GALNT18: variants seen among roughly 807,000 people sequenced by gnomAD.
GALNT18 encodes polypeptide N-acetylgalactosaminyltransferase 18, also known as GalNAc-transferase 18.
A neutral mutation model predicts 69.5 loss-of-function variants in GALNT18; 44 were observed. The observed-to-expected ratio is 0.63, with a 90% CI of 0.50 to 0.81. GALNT18 has a LOEUF of 0.81. Among genes scored for constraint, GALNT18 ranks in the 40% least tolerant of loss-of-function variants. The pLI is 0.00. For missense variants in GALNT18, 715 were observed against 810.0 expected, an observed-to-expected ratio of 0.88 and a Z score of 1.42; for synonymous variants, 364 against 318.2, an observed-to-expected ratio of 1.14 and a Z score of -1.53.
chr11:11,371,934 T>C (rs1850916943), intron 6 of GALNT18, among the ~76,000 whole-genome samples: 1 of 152,084 alleles, frequency 6.6e-6, no homozygotes, highest in African/African-American at 2.4e-5. Context: ...TGGAAAAAAC[T>C]CTGTACTTTG....
chr11:11,465,035 G>A lies in GALNT18; in HGVS notation c.236-16099C>T, dbSNP rs1181584832. Among the ~76,000 whole-genome samples, 1 of 152,152 alleles carries A rather than the reference G, an allele frequency of 6.6e-6. No individual in the cohort carries two copies. Among genetic ancestry groups the A allele is most frequent in the African/African-American group, 2.4e-5 (1 of 41,430 alleles). On this transcript the variant is annotated intron_variant, in intron 1 of 10. Transcript: ENST00000227756. The surrounding 1 kb of genome is among the most constrained non-coding windows in gnomAD (Gnocchi z 5.7). ...TTGGGGTGGCTGCTTATTATTTCTT[G>A]TCTTCCCCACCAGAGTCAAGTACAC...
chr11:11,522,499 A>G (rs1354548987), intron 1 of GALNT18, among the ~76,000 whole-genome samples: 1 of 152,184 alleles, frequency 6.6e-6, no homozygotes, highest in Non-Finnish European at 1.5e-5. Context: ...ATGAAGAATC[A>G]TGCCCACAGA....
At chr11:11,499,547 C>T (rs1856931950) in intron 1 of GALNT18, among the ~76,000 whole-genome samples, 2 of 152,214 alleles carry the variant, frequency 1.3e-5, no homozygotes, top group Admixed American at 1.3e-4. Context: ...CCTTCCTGGA[C>T]TGTGGACTTC....
Position 11,396,428 on chromosome 11 carries a change from T to A in GALNT18, c.596-17164A>T, listed in dbSNP as rs112725443. 1.3e-3 allele frequency among the ~76,000 whole-genome samples: 192 copies of A among 152,136 alleles called. 2 individuals carry two copies. Among genetic ancestry groups the A allele is most frequent in the Non-Finnish European group, 2.3e-3 (159 of 68,004 alleles). Reference sequence around the variant, plus strand: ...GGGTTACTATGGAGAGCTGCAGGGATGATGGAGAAAGAATTCACGTGTGGG... The same window carrying A: ...GGGTTACTATGGAGAGCTGCAGGGAAGATGGAGAAAGAATTCACGTGTGGG... On this transcript the variant is annotated intron_variant, in intron 3 of 10. Coordinates refer to ENST00000227756, the MANE Select transcript of GALNT18 (RefSeq NM_198516.3). The surrounding 1 kb of genome is among the most constrained non-coding windows in gnomAD (Gnocchi z 5.2).
intron 9 of GALNT18, among the ~76,000 whole-genome samples, chr11:11,319,108 G>A (rs1849801110): frequency 6.6e-6 from 1 of 151,924 alleles, no homozygotes. Flanking sequence ...GTCTTACTTA[G>A]AAAATGCCTA....
Position 11,497,769 on chromosome 11 carries a change from C to T in GALNT18, c.236-48833G>A, listed in dbSNP as rs202201428. On this transcript the variant is annotated intron_variant, in intron 1 of 10. Coordinates refer to ENST00000227756, the MANE Select transcript of GALNT18 (RefSeq NM_198516.3). This position sits in a 1 kb window ranked among gnomAD's most constrained non-coding sequence, Gnocchi z 4.2. ...TATTTTCTATATATATATATATATACACACACACACACATACACACAAACC... is the reference window on the plus strand; with the variant it reads ...TATTTTCTATATATATATATATATATACACACACACACATACACACAAACC... 0.044 allele frequency among the ~76,000 whole-genome samples: 3,013 copies of T among 68,848 alleles called. 94 individuals carry two copies. Among genetic ancestry groups the T allele is most frequent in the African/African-American group, 0.13 (2,813 of 22,352 alleles). The allele number at this position is 68,848 out of a possible 152,430, so 45.2% of individuals were successfully genotyped here. A position where few individuals can be genotyped will look rare whatever the true frequency, so the allele number is the denominator to read the frequency against.
At chr11:11,597,153 G>A (rs1295817322) in intron 1 of GALNT18, among the ~76,000 whole-genome samples, 1 of 152,092 alleles carries the variant, frequency 6.6e-6, no homozygotes, top group African/African-American at 2.4e-5. Flanking sequence ...CACTCATTAT[G>A]GTGCATGGTC....
intron 3 of GALNT18, among the ~76,000 whole-genome samples, chr11:11,427,418 C>G (rs539979393): frequency 6.6e-6 from 1 of 152,110 alleles, no homozygotes; most frequent in African/African-American, 2.4e-5. Context: ...TGGGGAGACA[C>G]GAGGCGCCAG....
intron 1 of GALNT18, among the ~76,000 whole-genome samples, chr11:11,530,343 C>T (rs72867159): frequency 8.5e-5 from 13 of 152,272 alleles, no homozygotes; most frequent in African/African-American, 1.9e-4. Context: ...GGGCTGCTGA[C>T]GGGGCCCTGT....
intron 9 of GALNT18, among the ~76,000 whole-genome samples, chr11:11,325,533 TA>T (rs1360455978): frequency 2.6e-5 from 4 of 151,890 alleles, no homozygotes; most frequent in Non-Finnish European, 4.4e-5. Flanking sequence ...AAATAAAAAT[TA>T]AAAAAATATA....
intron 10 of GALNT18, 66 bp downstream of exon 10, chr11:11,292,963 C>T: frequency 1.5e-6 from 2 of 1,314,816 alleles, no homozygotes; most frequent in Non-Finnish European, 2.0e-6. Context: ...ACCTCCCTGG[C>T]CCCTGAGGCC....
intron 3 of GALNT18, among the ~76,000 whole-genome samples, chr11:11,407,323 G>A (rs182757012): frequency 1.3e-5 from 2 of 152,276 alleles, no homozygotes; most frequent in Admixed American, 1.3e-4. Context: ...GTGCTGAATC[G>A]CTGAAAGCAC....
chr11:11,310,855 C>T (rs955481143), intron 9 of GALNT18, among the ~76,000 whole-genome samples: 1 of 152,188 alleles, frequency 6.6e-6, no homozygotes, highest in African/African-American at 2.4e-5. Context: ...CATTTATGCC[C>T]GTGATATATT....
chr11:11,380,111 C>A (rs1239162551), intron 3 of GALNT18, among the ~76,000 whole-genome samples: 7 of 152,244 alleles, frequency 4.6e-5, no homozygotes, highest in Admixed American at 1.3e-4. Flanking sequence ...AGTGATCATG[C>A]AGCCCCTGCA....
At chr11:11,446,404 G>A (rs928011877) in intron 2 of GALNT18, among the ~76,000 whole-genome samples, 3 of 152,168 alleles carry the variant, frequency 2.0e-5, no homozygotes, top group African/African-American at 7.2e-5. Flanking sequence ...CAGATTGACT[G>A]AAAAGTCCAT....
intron 1 of GALNT18, among the ~76,000 whole-genome samples, chr11:11,526,857 C>T (rs760958426): frequency 4.6e-5 from 7 of 152,254 alleles, no homozygotes; most frequent in Admixed American, 2.0e-4. Context: ...ATTACTCTCC[C>T]GCAGGAGCAC....
intron 8 of GALNT18, among the ~76,000 whole-genome samples, chr11:11,329,317 C>A (rs1208202182): frequency 2.0e-5 from 3 of 152,132 alleles, no homozygotes; most frequent in African/African-American, 4.8e-5. Context: ...TGTCAGGTAC[C>A]ATGTGAAGTG....
At chr11:11,346,802 T>C (rs1850312274) in intron 6 of GALNT18, among the ~76,000 whole-genome samples, 1 of 152,134 alleles carries the variant, frequency 6.6e-6, no homozygotes, top group East Asian at 1.9e-4. Context: ...TGTTATCGCT[T>C]CTGAAGAGGC....
intron 10 of GALNT18, among the ~76,000 whole-genome samples, chr11:11,282,019 G>C (rs1237653694): frequency 6.6e-6 from 1 of 152,104 alleles, no homozygotes; most frequent in Non-Finnish European, 1.5e-5. Context: ...TGGACAGAGG[G>C]ACCAGGCCAC....
Sources: gnomAD v4.1 joint callset for allele counts (sites outside exome capture counted in the v4.1 genomes callset) on GRCh38, gnomAD v4.1.1 for gene constraint, Gnocchi (gnomAD v3.1) non-coding constraint, MANE v1.5 for transcripts, NCBI Gene and HGNC (gene_info 2026-07-23, HGNC 2026-07-21) for gene names.